Variants in ESRRG observed in about 807,000 individuals in gnomAD.
ESRRG encodes the protein estrogen related receptor gamma.
In ESRRG, 13 loss-of-function variants were observed where a neutral mutation model predicts 44.0. The observed-to-expected ratio is 0.30, with a 90% CI of 0.19 to 0.47. The LOEUF is 0.47. Ranked by LOEUF, ESRRG falls within the 20% of genes least tolerant of loss-of-function variation. The pLI is 1.00. For synonymous variants in ESRRG, 215 were observed against 214.6 expected, an observed-to-expected ratio of 1.00 and a Z score of -0.02; for missense variants, 395 against 580.6, an observed-to-expected ratio of 0.68 and a Z score of 3.29.
intron 1 of ESRRG, among the ~76,000 whole-genome samples, chr1:217,074,009 C>T (rs377571941): frequency 2.6e-5 from 4 of 151,160 alleles, no homozygotes; most frequent in African/African-American, 9.7e-5. Context: ...TTTGTGAACC[C>T]CTACTTTAAA....
chr1:216,521,481 G>A (rs1343387128), intron 5 of ESRRG, among the ~76,000 whole-genome samples: 1 of 151,786 alleles, frequency 6.6e-6, no homozygotes, highest in African/African-American at 2.4e-5. Context: ...GGAAAGTTAG[G>A]AGCAAAAATG....
At chr1:216,568,119 C>T (rs372595884) in intron 3 of ESRRG, 21 bp from the exon 4 acceptor site, 22 of 1,530,016 alleles carry the variant, frequency 1.4e-5, no homozygotes, top group South Asian at 1.1e-5. Flanking sequence ...AGACAGGCAC[C>T]GGCTTACTAT....
chr1:216,951,717 A>ATGTGTG (rs59233267), intron 1 of ESRRG, among the ~76,000 whole-genome samples: 4,346 of 143,630 alleles, frequency 0.03, 87 homozygotes, highest in South Asian at 0.06. Context: ...AACTATCACT[A>ATGTGTG]TGTGTGTGTG....
At chr1:216,867,707 C>G (rs923615361) in intron 2 of ESRRG, among the ~76,000 whole-genome samples, 1 of 152,162 alleles carries the variant, frequency 6.6e-6, no homozygotes, top group South Asian at 2.1e-4. Context: ...CTCCACTATA[C>G]TGTAATTCCA....
At chr1:217,119,302 A>G (rs1250311887) in intron 1 of ESRRG, among the ~76,000 whole-genome samples, 2 of 152,164 alleles carry the variant, frequency 1.3e-5, no homozygotes, top group Non-Finnish European at 2.9e-5. Context: ...TTGTGTCGTT[A>G]TGACTAAATC....
intron 2 of ESRRG, among the ~76,000 whole-genome samples, chr1:216,881,054 A>G (rs1464609147): frequency 1.3e-5 from 2 of 152,240 alleles, no homozygotes; most frequent in Admixed American, 6.5e-5. Flanking sequence ...AAAAAAATGC[A>G]TAAATTAAAC....
At chr1:216,761,209 C>T (rs946760842) in intron 2 of ESRRG, among the ~76,000 whole-genome samples, 2 of 140,060 alleles carry the variant, frequency 1.4e-5, no homozygotes, top group African/African-American at 5.6e-5. Context: ...AGTTTTACTA[C>T]CTTATACATA....
chr1:216,952,760 T>A (rs1248704575), intron 1 of ESRRG, among the ~76,000 whole-genome samples: 1 of 152,172 alleles, frequency 6.6e-6, no homozygotes. Context: ...AAACAGCTCC[T>A]ATTGTCAATA....
chr1:217,058,569 A>G (rs1309644105), intron 1 of ESRRG, among the ~76,000 whole-genome samples: 1 of 152,186 alleles, frequency 6.6e-6, no homozygotes, highest in Non-Finnish European at 1.5e-5. Context: ...ATGTAAATAG[A>G]GCACAACTAT....
intron 1 of ESRRG, among the ~76,000 whole-genome samples, chr1:217,087,060 G>T (rs1328164723): frequency 6.6e-6 from 1 of 152,152 alleles, no homozygotes; most frequent in East Asian, 1.9e-4. Context: ...CATCAGAAAA[G>T]TTTTCTCTTG....
chr1:216,759,578 G>C (rs936170721), intron 2 of ESRRG, among the ~76,000 whole-genome samples: 1 of 152,056 alleles, frequency 6.6e-6, no homozygotes, highest in African/African-American at 2.4e-5. Context: ...ATATTGGAAG[G>C]CAGAAATCAA....
At chr1:217,099,339 A>T (rs759604555) in intron 1 of ESRRG, among the ~76,000 whole-genome samples, 1 of 152,008 alleles carries the variant, frequency 6.6e-6, no homozygotes, top group Admixed American at 6.6e-5. Flanking sequence ...ATAGAAAAAT[A>T]AAGTGAGAAT....
chr1:216,974,463 A>C (rs1433447737), intron 1 of ESRRG, among the ~76,000 whole-genome samples: 1 of 152,202 alleles, frequency 6.6e-6, no homozygotes, highest in Non-Finnish European at 1.5e-5. Context: ...AAGGGGAAAA[A>C]AATAGCAACA....
At chr1:216,673,502 A>G (rs894872068) in intron 2 of ESRRG, among the ~76,000 whole-genome samples, 2 of 152,208 alleles carry the variant, frequency 1.3e-5, no homozygotes, top group Non-Finnish European at 2.9e-5. Flanking sequence ...TCTCCTGCTC[A>G]AAATCCTTGA....
chr1:216,908,059 G>A (rs1287022772), intron 2 of ESRRG, among the ~76,000 whole-genome samples: 2 of 152,166 alleles, frequency 1.3e-5, no homozygotes, highest in African/African-American at 4.8e-5. Context: ...ACTTATTCAT[G>A]TTCTTTCCTA....
chr1:216,625,126 C>T (rs998705984), intron 3 of ESRRG, among the ~76,000 whole-genome samples: 1 of 152,152 alleles, frequency 6.6e-6, no homozygotes, highest in Admixed American at 6.5e-5. Context: ...ACTGTCTCCT[C>T]TTTTAGCCCA....
chr1:217,100,953 C>T (rs1334462088), intron 1 of ESRRG, among the ~76,000 whole-genome samples: 1 of 152,168 alleles, frequency 6.6e-6, no homozygotes, highest in Non-Finnish European at 1.5e-5. Flanking sequence ...ACTTTATGGC[C>T]ACAAAGCCTG....
chr1:217,066,951 A>G (rs1037263140), intron 1 of ESRRG, among the ~76,000 whole-genome samples: 29 of 152,244 alleles, frequency 1.9e-4, no homozygotes, highest in African/African-American at 6.5e-4. Flanking sequence ...TGCTCTCACC[A>G]AGGATTTCAC....
chr1:216,817,160 T>C (rs1315582257), intron 2 of ESRRG, among the ~76,000 whole-genome samples: 1 of 151,968 alleles, frequency 6.6e-6, no homozygotes, highest in Non-Finnish European at 1.5e-5. Context: ...ATTCAAATAA[T>C]GTCTGGAAGT....
Sources: allele counts gnomAD v4.1 joint callset (sites outside exome capture counted in the v4.1 genomes callset), GRCh38; gene constraint gnomAD v4.1.1; transcripts MANE v1.5; gene names NCBI Gene and HGNC (gene_info 2026-07-23, HGNC 2026-07-21).